Variants in USP10 observed in about 807,000 individuals in gnomAD.
USP10 encodes ubiquitin specific peptidase 10.
In USP10, 22 loss-of-function variants were observed where a neutral mutation model predicts 84.5. The observed-to-expected ratio is 0.26, with a 90% CI of 0.19 to 0.37. The LOEUF (loss-of-function observed/expected upper bound fraction) is 0.37. Among genes scored for constraint, USP10 ranks in the 10% least tolerant of loss-of-function variants. USP10 has a pLI of 1.00. For synonymous variants in USP10, 454 were observed against 387.6 expected (o/e 1.17, Z -2.01); for missense variants, 1,019 against 998.9 (o/e 1.02, Z -0.27).
chr16:84,702,586 T>G (rs1220780857), intron 1 of USP10, among the ~76,000 whole-genome samples: 1 of 152,232 alleles, frequency 6.6e-6, no homozygotes, highest in Admixed American at 6.5e-5. Context: ...GTATGTATAT[T>G]ACTTGTTTAT....
In USP10 at chr16:84,758,575, CT is replaced by C. The variant is rs1477863645; in HGVS notation, c.1193-139del. ...TACTTGATGTTGAACTGAATGAAGC[CT>C]TAACAGTATGCATTTTCTTTGGCTG... On this transcript the variant is annotated intron_variant, in intron 4 of 13. Coordinates refer to ENST00000219473, the MANE Select transcript of USP10 (RefSeq NM_005153.3). The C allele has an allele frequency of 9.3e-6, 6 of 646,314 alleles. No homozygotes were observed. In the African/African-American group the frequency reaches 1.1e-4, roughly 12 times the overall value. The allele number at this position is 646,314 out of a possible 1,614,324, so 40.0% of individuals were successfully genotyped here. A position where few individuals can be genotyped will look rare whatever the true frequency, so the allele number is the denominator to read the frequency against.
At chr16:84,731,117 C>CT (rs201088868) in intron 1 of USP10, among the ~76,000 whole-genome samples, 4,496 of 151,406 alleles carry the variant, frequency 0.03, 131 homozygotes, top group South Asian at 0.15. Flanking sequence ...GTAGCTGGGA[C>CT]TACAGGTGCA....
chr16:84,711,483 A>G (rs568774832), intron 1 of USP10, among the ~76,000 whole-genome samples: 4 of 152,168 alleles, frequency 2.6e-5, no homozygotes, highest in Admixed American at 6.5e-5. Context: ...CATTAAGCCA[A>G]TTTACCATCG....
chr16:84,756,648 G>T (rs759136375), intron 4 of USP10, among the ~76,000 whole-genome samples: 1 of 151,936 alleles, frequency 6.6e-6, no homozygotes, highest in Non-Finnish European at 1.5e-5. Context: ...TTAAGGTTAG[G>T]TTTAAAAAAA....
intron 8 of USP10, among the ~76,000 whole-genome samples, chr16:84,760,617 A>G (rs1343186032): frequency 6.6e-6 from 1 of 152,216 alleles, no homozygotes; most frequent in Non-Finnish European, 1.5e-5. Flanking sequence ...CTGGGGTAGA[A>G]TGGAGTGCAC....
At chr16:84,741,345 G>T (rs73243979) in intron 3 of USP10, among the ~76,000 whole-genome samples, 1 of 152,200 alleles carries the variant, frequency 6.6e-6, no homozygotes, top group African/African-American at 2.4e-5. Context: ...CCGGGAAGCC[G>T]GGCTGCTCAG....
intron 13 of USP10, among the ~76,000 whole-genome samples, chr16:84,778,193 C>T (rs1356376186): frequency 1.3e-5 from 2 of 151,784 alleles, no homozygotes; most frequent in Non-Finnish European, 2.9e-5. Flanking sequence ...ACCATCTCCG[C>T]AGTGCCCCAC....
At chr16:84,756,167 G>A (rs969941446) in intron 4 of USP10, among the ~76,000 whole-genome samples, 1 of 149,500 alleles carries the variant, frequency 6.7e-6, no homozygotes, top group Admixed American at 6.8e-5. Context: ...ATCACAGTTC[G>A]TCCCTTCACT....
At chr16:84,748,455 C>G (rs1911512259) in intron 4 of USP10, among the ~76,000 whole-genome samples, 1 of 151,990 alleles carries the variant, frequency 6.6e-6, no homozygotes, top group South Asian at 2.1e-4. Context: ...AGGTGCCTGG[C>G]ACCACGCCAG....
At position 84,773,971 on chromosome 16, in the gene USP10, T is replaced by C. The variant is rs866265220; in HGVS notation, c.2144-1189T>C. On this transcript the variant is annotated intron_variant, in intron 12 of 13. Transcript: ENST00000219473. ...ATCAAAATATGACATAAATGGGGGC[T>C]GGGCGCAGTGGCTCACACCTGTAAT... 7.2e-5 allele frequency among the ~76,000 whole-genome samples: 11 copies of C among 152,164 alleles called. 1 individual carries two copies. The Middle Eastern group carries it at 0.014, about 188-fold the overall frequency.
chr16:84,733,537 G>C, intron 2 of USP10, 34 bp downstream of exon 2: 11 of 1,428,688 alleles, frequency 7.7e-6, no homozygotes, highest in Non-Finnish European at 1.1e-5. Context: ...GAGTCCGTGG[G>C]TAGATACAAT....
At chr16:84,755,871 C>G (rs996046281) in intron 4 of USP10, among the ~76,000 whole-genome samples, 1 of 151,880 alleles carries the variant, frequency 6.6e-6, no homozygotes, top group African/African-American at 2.4e-5. Context: ...ATCTGGGTAT[C>G]TTTTACTAAC....
chr16:84,735,261 G>A (rs1265481033), intron 2 of USP10, among the ~76,000 whole-genome samples: 3 of 150,882 alleles, frequency 2.0e-5, no homozygotes, highest in Non-Finnish European at 4.4e-5. Flanking sequence ...TAAGTAAGGG[G>A]ATTTTGTATT....
intron 6 of USP10, 116 bp downstream of exon 6, chr16:84,759,588 C>A: frequency 3.0e-6 from 3 of 1,006,026 alleles, no homozygotes; most frequent in Non-Finnish European, 3.0e-6. Flanking sequence ...ATAATTCTGT[C>A]TTTTTTTAAA....
At position 84,769,430 on chromosome 16, in the gene USP10, A is replaced by G. The variant is rs77219379; in HGVS notation, c.1998+1072A>G. Among the ~76,000 whole-genome samples the G allele has an allele frequency of 5.3e-3, 813 of 152,292 alleles. 50 individuals are homozygous for G. In the East Asian group the frequency reaches 0.14, roughly 26 times the overall value. On this transcript the variant is annotated intron_variant, in intron 11 of 13. Coordinates refer to ENST00000219473, the MANE Select transcript of USP10 (RefSeq NM_005153.3). ...TTGCATCTCATGGGTGATTTTGTTT[A>G]AAAAATAGAAGCAGTAGGAGCCAGA...
chr16:84,739,503 C>G (rs1439857784), intron 2 of USP10, among the ~76,000 whole-genome samples: 2 of 151,980 alleles, frequency 1.3e-5, no homozygotes, highest in Admixed American at 1.3e-4. Flanking sequence ...GAACTCCTGA[C>G]CTCAAGTGAT....
At chr16:84,730,725 G>C (rs1269889720) in intron 1 of USP10, among the ~76,000 whole-genome samples, 1 of 152,158 alleles carries the variant, frequency 6.6e-6, no homozygotes, top group African/African-American at 2.4e-5. Context: ...GTTCTTACTG[G>C]ATTGACCAGC....
chr16:84,759,082 C>A (rs940548424), intron 5 of USP10, among the ~76,000 whole-genome samples: 4 of 152,196 alleles, frequency 2.6e-5, no homozygotes, highest in Non-Finnish European at 5.9e-5. Flanking sequence ...GGCAGAGCAA[C>A]CACTTACAAC....
chr16:84,764,903 G>T (rs1913652187), intron 10 of USP10, among the ~76,000 whole-genome samples: 1 of 137,608 alleles, frequency 7.3e-6, no homozygotes, highest in Non-Finnish European at 1.5e-5. Context: ...CATAAGATAG[G>T]TCATAAACAA....
Sources: allele counts gnomAD v4.1 joint callset (sites outside exome capture counted in the v4.1 genomes callset), GRCh38; gene constraint gnomAD v4.1.1; transcripts MANE v1.5; gene names NCBI Gene and HGNC (gene_info 2026-07-23, HGNC 2026-07-21).